The following PPARGC1A variants were observed in gnomAD, a reference collection of about 807,000 sequenced individuals.
PPARGC1A encodes the protein PPARG coactivator 1 alpha.
A neutral mutation model predicts 88.7 loss-of-function variants in PPARGC1A; 25 were observed. The ratio of observed to expected loss-of-function variants is 0.28; its 90% CI spans 0.21 to 0.39. The LOEUF (loss-of-function observed/expected upper bound fraction) is 0.39, where lower values mean the gene tolerates loss of function less well. Among genes scored for constraint, PPARGC1A ranks in the 10% least tolerant of loss-of-function variants. The pLI is 1.00. For missense variants in PPARGC1A, 880 were observed against 968.7 expected (o/e 0.91, Z 1.22); for synonymous variants, 363 against 355.6 (o/e 1.02, Z -0.24).
the PPARGC1A span, among the ~76,000 whole-genome samples, chr4:24,312,595 A>C: frequency 2.0e-5 from 3 of 150,306 alleles, no homozygotes; most frequent in Admixed American, 6.7e-5. Flanking sequence ...TAGTCACCCT[A>C]AAAAATGTGG....
chr4:24,291,278 C>T, the PPARGC1A span, among the ~76,000 whole-genome samples: 1 of 152,326 alleles, frequency 6.6e-6, no homozygotes, highest in Admixed American at 6.5e-5. Flanking sequence ...CTCTCAGTAT[C>T]TCTTAATGAT....
At chr4:24,470,701 A>T in the PPARGC1A span, among the ~76,000 whole-genome samples, 8 of 151,640 alleles carry the variant, frequency 5.3e-5, no homozygotes, top group South Asian at 1.7e-3. The surrounding 1 kb of genome is among the most constrained non-coding windows in gnomAD (Gnocchi z 5.8). Context: ...TCCCGGGGGC[A>T]GCCCAGACGC....
upstream of PPARGC1A, chr4:23,890,208 G>T: frequency 2.1e-4 from 99 of 467,302 alleles, no homozygotes; most frequent in Non-Finnish European, 2.5e-4. Context: ...CTTCAGTGAA[G>T]TAACGCTTTA....
chr4:23,823,533 C>T (rs976575919), intron 7 of PPARGC1A, among the ~76,000 whole-genome samples: 3 of 151,972 alleles, frequency 2.0e-5, no homozygotes, highest in Non-Finnish European at 1.5e-5. Flanking sequence ...GATAAGAAGG[C>T]CTCTACTGCA....
the PPARGC1A span, among the ~76,000 whole-genome samples, chr4:24,110,485 C>T: frequency 6.6e-6 from 1 of 152,146 alleles, no homozygotes; most frequent in African/African-American, 2.4e-5. Context: ...TGTCCCAGCT[C>T]TGCAAGAAAG....
At chr4:23,831,792 G>A (rs771946254) in intron 2 of PPARGC1A, 41 bp from the exon 3 acceptor site, 72 of 1,522,108 alleles carry the variant, frequency 4.7e-5, no homozygotes, top group Non-Finnish European at 5.6e-5. Context: ...AGTTGACCCT[G>A]GGAGGCAGGT....
intron 1 of PPARGC1A, among the ~76,000 whole-genome samples, chr4:23,888,108 G>T (rs1717216579): frequency 6.6e-6 from 1 of 152,202 alleles, no homozygotes; most frequent in Non-Finnish European, 1.5e-5. Flanking sequence ...AACGCTACCT[G>T]CTGCTCGTAA....
At chr4:24,345,146 C>T in the PPARGC1A span, among the ~76,000 whole-genome samples, 25 of 152,134 alleles carry the variant, frequency 1.6e-4, no homozygotes, top group East Asian at 3.3e-3. Flanking sequence ...CACACTGTTT[C>T]GGTGACTATA....
chr4:23,812,884 TA>T lies in PPARGC1A; in HGVS notation c.1899-18del. 6.2e-7 allele frequency: 1 copy of T among 1,614,014 alleles called. No homozygotes were observed. The highest frequency in any genetic ancestry group is 1.7e-4 in the Middle Eastern group (1 of 6,058). On this transcript the variant is annotated intron_variant, in intron 9 of 12. Transcript: ENST00000264867. ...CTGTCATACCTGGGAAACATAACTT[TA>T]TCACTAAGTCAACCACCTCAATTTT...
the PPARGC1A span, among the ~76,000 whole-genome samples, chr4:24,285,526 G>T: frequency 1.3e-5 from 2 of 152,202 alleles, no homozygotes; most frequent in Non-Finnish European, 2.9e-5. Flanking sequence ...GCTTACTATG[G>T]CGAGTGTTGT....
chr4:24,096,876 T>C, the PPARGC1A span, among the ~76,000 whole-genome samples: 12 of 152,202 alleles, frequency 7.9e-5, no homozygotes, highest in African/African-American at 1.9e-4. Context: ...GAAAAACCTA[T>C]ACAAAGTGCA....
At chr4:23,852,839 A>G (rs1729543470) in intron 2 of PPARGC1A, among the ~76,000 whole-genome samples, 1 of 152,164 alleles carries the variant, frequency 6.6e-6, no homozygotes, top group Non-Finnish European at 1.5e-5. Context: ...TACAAGACAC[A>G]TGACCCAGAC....
chr4:24,195,253 A>T, the PPARGC1A span, among the ~76,000 whole-genome samples: 5 of 152,196 alleles, frequency 3.3e-5, no homozygotes, highest in African/African-American at 1.2e-4. Flanking sequence ...AATTGAAAGA[A>T]TAATTATTTC....
chr4:24,273,968 G>T, the PPARGC1A span, among the ~76,000 whole-genome samples: 1 of 151,522 alleles, frequency 6.6e-6, no homozygotes, highest in African/African-American at 2.4e-5. Context: ...TCAAACTCCT[G>T]ACCTCAGGTG....
the PPARGC1A span, among the ~76,000 whole-genome samples, chr4:23,911,096 T>G: frequency 6.6e-6 from 1 of 152,114 alleles, no homozygotes; most frequent in African/African-American, 2.4e-5. Context: ...GAAAATGGAA[T>G]CAATGAGTCT....
At chr4:24,018,655 A>C in the PPARGC1A span, among the ~76,000 whole-genome samples, 1 of 152,178 alleles carries the variant, frequency 6.6e-6, no homozygotes, top group Non-Finnish European at 1.5e-5. Flanking sequence ...CTCATTTTCA[A>C]ATGTTCCTGA....
At chr4:24,267,334 C>T in the PPARGC1A span, among the ~76,000 whole-genome samples, 9 of 152,152 alleles carry the variant, frequency 5.9e-5, no homozygotes, top group Non-Finnish European at 1.2e-4. Flanking sequence ...GAATAAAAGG[C>T]GTAAGCCCCA....
intron 2 of PPARGC1A, among the ~76,000 whole-genome samples, chr4:23,867,204 G>GAAGT (rs1712212993): frequency 6.6e-6 from 1 of 151,998 alleles, no homozygotes; most frequent in African/African-American, 2.4e-5. Context: ...CTTCATTTCT[G>GAAGT]ACTTTAATAC....
the PPARGC1A span, among the ~76,000 whole-genome samples, chr4:23,913,267 TA>T: frequency 1.7e-4 from 13 of 77,532 alleles, no homozygotes; most frequent in Non-Finnish European, 3.1e-4. Context: ...TATATATATA[TA>T]GAGAGAGAGA....
Sources: gnomAD v4.1 joint callset for allele counts (sites outside exome capture counted in the v4.1 genomes callset) on GRCh38, gnomAD v4.1.1 for gene constraint, Gnocchi (gnomAD v3.1) non-coding constraint, MANE v1.5 for transcripts, NCBI Gene and HGNC (gene_info 2026-07-23, HGNC 2026-07-21) for gene names.